PACRG: variants seen among roughly 807,000 people sequenced by gnomAD.
PACRG encodes the protein parkin coregulated gene protein.
A neutral mutation model predicts 29.7 loss-of-function variants in PACRG; 29 were observed. The ratio of observed to expected loss-of-function variants is 0.98; its 90% CI spans 0.73 to 1.33. PACRG has a LOEUF of 1.33. PACRG is among the 40% of genes most tolerant of loss of function. The pLI, the probability that PACRG is intolerant of heterozygous loss-of-function variation, is 0.00. For synonymous variants in PACRG, 116 were observed against 118.7 expected (o/e 0.98, Z 0.15); for missense variants, 279 against 316.2 (o/e 0.88, Z 0.89).
chr6:162,727,965 T>G (rs1053798797), upstream of PACRG: 13 of 600,424 alleles, frequency 2.2e-5, no homozygotes, highest in Non-Finnish European at 3.5e-5. Context: ...CCCGCCGTGT[T>G]GACCAGTCGC....
At chr6:162,867,197 A>G (rs569671007) in intron 2 of PACRG, among the ~76,000 whole-genome samples, 1 of 151,996 alleles carries the variant, frequency 6.6e-6, no homozygotes, top group Non-Finnish European at 1.5e-5. Flanking sequence ...TAGCCCACTG[A>G]CCTTGGCACC....
chr6:163,122,470 C>T (rs369936593), intron 4 of PACRG, among the ~76,000 whole-genome samples: 2 of 152,302 alleles, frequency 1.3e-5, no homozygotes, highest in African/African-American at 4.8e-5. Context: ...GCTTGGTGCC[C>T]TGCCCATGGT....
At chr6:162,925,863 G>T (rs1481362622) in intron 2 of PACRG, among the ~76,000 whole-genome samples, 1 of 152,054 alleles carries the variant, frequency 6.6e-6, no homozygotes, top group African/African-American at 2.4e-5. Context: ...GAAATAAATT[G>T]TCTCTTTTAG....
chr6:162,914,582 C>A (rs1191707239), intron 2 of PACRG, among the ~76,000 whole-genome samples: 3 of 111,116 alleles, frequency 2.7e-5, no homozygotes, highest in African/African-American at 9.9e-5. Flanking sequence ...TTTAAAAAAT[C>A]AACTTGCCCA....
At chr6:163,014,772 C>A (rs527327298) in intron 2 of PACRG, among the ~76,000 whole-genome samples, 45 of 152,170 alleles carry the variant, frequency 3.0e-4, no homozygotes, top group African/African-American at 1.0e-3. Context: ...TCATAGTTTG[C>A]AAATATCTTC....
At chr6:163,076,992 ATTAAT>A (rs1812608449) in intron 3 of PACRG, among the ~76,000 whole-genome samples, 1 of 152,228 alleles carries the variant, frequency 6.6e-6, no homozygotes, top group South Asian at 2.1e-4. Context: ...TATTTGCAAG[ATTAAT>A]TTAATAAGGT....
chr6:162,917,151 T>G (rs1273471280), intron 2 of PACRG, among the ~76,000 whole-genome samples: 1 of 152,176 alleles, frequency 6.6e-6, no homozygotes, highest in Admixed American at 6.5e-5. Flanking sequence ...TTTGAGAAAC[T>G]CGCTTAATCT....
chr6:163,010,169 G>A (rs1805480779), intron 2 of PACRG, among the ~76,000 whole-genome samples: 1 of 152,174 alleles, frequency 6.6e-6, no homozygotes, highest in Non-Finnish European at 1.5e-5. Context: ...ACTGTAAAGT[G>A]ATCCACTATA....
At chr6:162,763,645 T>C (rs1470565373) in intron 1 of PACRG, among the ~76,000 whole-genome samples, 2 of 152,194 alleles carry the variant, frequency 1.3e-5, no homozygotes, top group Admixed American at 1.3e-4. Context: ...CTATCGACTG[T>C]CTTTGAGATC....
At chr6:163,173,602 G>T (rs1236532009) in intron 4 of PACRG, among the ~76,000 whole-genome samples, 5 of 152,152 alleles carry the variant, frequency 3.3e-5, no homozygotes, top group Non-Finnish European at 7.3e-5. Flanking sequence ...AGAGAATCAC[G>T]CTCTCCGCTC....
chr6:162,906,856 C>CAG (rs1437878735), intron 2 of PACRG, among the ~76,000 whole-genome samples: 1 of 152,124 alleles, frequency 6.6e-6, no homozygotes, highest in Admixed American at 6.5e-5. Context: ...CCTTGTATAT[C>CAG]AGAGAGATGT....
chr6:163,162,424 C>T (rs1029506288), intron 4 of PACRG, among the ~76,000 whole-genome samples: 9 of 152,186 alleles, frequency 5.9e-5, no homozygotes, highest in Non-Finnish European at 8.8e-5. Context: ...AACCCCAATC[C>T]CCCTCAAATG....
At chr6:162,755,865 TG>T (rs1384235106) in intron 1 of PACRG, among the ~76,000 whole-genome samples, 4 of 152,200 alleles carry the variant, frequency 2.6e-5, no homozygotes, top group South Asian at 2.1e-4. Context: ...TGTCACAAAA[TG>T]TTTTTTTTTA....
chr6:162,961,757 G>A (rs943001863), intron 2 of PACRG, among the ~76,000 whole-genome samples: 6 of 152,124 alleles, frequency 3.9e-5, no homozygotes, highest in Admixed American at 1.3e-4. Context: ...CCTGCCTTTA[G>A]TCTAGTGTCC....
intron 2 of PACRG, among the ~76,000 whole-genome samples, chr6:162,968,094 C>T (rs1801201499): frequency 1.3e-5 from 2 of 152,114 alleles, no homozygotes; most frequent in Non-Finnish European, 2.9e-5. Context: ...AAGCTGTATT[C>T]CAGACTGCCA....
intron 2 of PACRG, chr6:163,051,466 G>A (rs1810005117): frequency 6.6e-6 from 1 of 151,972 alleles, no homozygotes; most frequent in Non-Finnish European, 1.5e-5. Context: ...CATTATCTGA[G>A]ACTAATGCTT....
At chr6:163,261,932 C>T (rs1236224459) in intron 4 of PACRG, among the ~76,000 whole-genome samples, 1 of 152,082 alleles carries the variant, frequency 6.6e-6, no homozygotes, top group Non-Finnish European at 1.5e-5. Flanking sequence ...GGAACCAATC[C>T]CCCAGGAATA....
chr6:162,895,868 C>T (rs1584690450), intron 2 of PACRG, among the ~76,000 whole-genome samples: 4 of 152,294 alleles, frequency 2.6e-5, no homozygotes, highest in Admixed American at 2.6e-4. Context: ...GCTCCCTTTG[C>T]CCAAGTCGAA....
intron 4 of PACRG, among the ~76,000 whole-genome samples, chr6:163,220,672 A>G (rs1283372135): frequency 6.6e-6 from 1 of 152,248 alleles, no homozygotes; most frequent in Admixed American, 6.5e-5. Flanking sequence ...ATATTTGCAT[A>G]TCTTTCCTTT....
Sources: allele counts gnomAD v4.1 joint callset (sites outside exome capture counted in the v4.1 genomes callset), GRCh38; gene constraint gnomAD v4.1.1; transcripts MANE v1.5; gene names NCBI Gene and HGNC (gene_info 2026-07-23, HGNC 2026-07-21).